TRAPPC9: variants seen among roughly 807,000 people sequenced by gnomAD.
TRAPPC9 encodes the protein trafficking protein particle complex subunit 9, also known as IKK2 binding protein.
In TRAPPC9, 83 loss-of-function variants were observed where a neutral mutation model predicts 124.0. The observed-to-expected ratio is 0.67, with a 90% CI of 0.56 to 0.80. The LOEUF (loss-of-function observed/expected upper bound fraction) is 0.80, where lower values mean the gene tolerates loss of function less well. Among genes scored for constraint, TRAPPC9 ranks in the 30% least tolerant of loss-of-function variants. TRAPPC9 has a pLI of 0.00. For missense variants in TRAPPC9, 1,302 were observed against 1,508.3 expected (o/e 0.86, Z 2.27); for synonymous variants, 638 against 617.5 (o/e 1.03, Z -0.49).
intron 17 of TRAPPC9, among the ~76,000 whole-genome samples, chr8:140,175,540 C>T (rs1042891242): frequency 6.6e-6 from 1 of 152,166 alleles, no homozygotes; most frequent in African/African-American, 2.4e-5. Flanking sequence ...AGGCTCACAT[C>T]TCCAGAGTAA....
At chr8:139,761,349 A>G (rs1820204792) in intron 21 of TRAPPC9, among the ~76,000 whole-genome samples, 3 of 152,314 alleles carry the variant, frequency 2.0e-5, no homozygotes, top group Admixed American at 2.0e-4. Context: ...GTTACCAATC[A>G]AGCTCACAGC....
At chr8:140,162,044 C>A (rs530605093) in intron 17 of TRAPPC9, among the ~76,000 whole-genome samples, 1 of 152,152 alleles carries the variant, frequency 6.6e-6, no homozygotes, top group Non-Finnish European at 1.5e-5. Flanking sequence ...CCCAGCAGAC[C>A]GGTTAGGACA....
At chr8:140,162,382 A>T (rs1015533316) in intron 17 of TRAPPC9, among the ~76,000 whole-genome samples, 2 of 152,088 alleles carry the variant, frequency 1.3e-5, no homozygotes, top group Admixed American at 6.5e-5. Context: ...AGGCTTTTCT[A>T]CGTACTCTAA....
At chr8:139,833,744 C>G (rs903796014) in intron 21 of TRAPPC9, among the ~76,000 whole-genome samples, 1 of 152,184 alleles carries the variant, frequency 6.6e-6, no homozygotes, top group East Asian at 1.9e-4. Context: ...TGTGGACTTT[C>G]TCATGAGGAG....
At chr8:140,355,528 T>C (rs1277113931) in intron 9 of TRAPPC9, among the ~76,000 whole-genome samples, 3 of 152,124 alleles carry the variant, frequency 2.0e-5, no homozygotes, top group East Asian at 1.9e-4. Flanking sequence ...ATTTTAAACA[T>C]ATATTCTCCT....
At chr8:140,236,393 T>G (rs1369134114) in intron 16 of TRAPPC9, among the ~76,000 whole-genome samples, 1 of 152,196 alleles carries the variant, frequency 6.6e-6, no homozygotes, top group African/African-American at 2.4e-5. Flanking sequence ...ACTTATTTCT[T>G]CTACACGGAA....
intron 19 of TRAPPC9, among the ~76,000 whole-genome samples, chr8:139,954,186 G>T (rs1264840842): frequency 6.6e-6 from 1 of 152,222 alleles, no homozygotes. Flanking sequence ...TGGGGGTGAT[G>T]AATATGCTCA....
chr8:140,408,192 T>G (rs1311461479), intron 5 of TRAPPC9, among the ~76,000 whole-genome samples: 1 of 152,046 alleles, frequency 6.6e-6, no homozygotes, highest in African/African-American at 2.4e-5. Flanking sequence ...ACCCATAGCC[T>G]GTAGATTACA....
chr8:139,772,642 A>G (rs1821052615), intron 21 of TRAPPC9, among the ~76,000 whole-genome samples: 1 of 152,232 alleles, frequency 6.6e-6, no homozygotes, highest in South Asian at 2.1e-4. Flanking sequence ...CTCATAGCTC[A>G]CTTTTATTCT....
rs144100622 is a variant in TRAPPC9, at chr8:139,792,193, C to T, written c.3056-59991G>A. Reference sequence around the variant, plus strand: ...CCTGTCTGCTGGGGAGACAGACACTCAGACAGCAGGTTTAGTCTCCCTTGA... The same window carrying T: ...CCTGTCTGCTGGGGAGACAGACACTTAGACAGCAGGTTTAGTCTCCCTTGA... On this transcript the variant is annotated intron_variant, in intron 21 of 22. Transcript: ENST00000438773. Among the ~76,000 whole-genome samples the T allele has an allele frequency of 1.1e-3, 167 of 152,306 alleles. 1 individual carries two copies. Among genetic ancestry groups the T allele is most frequent in the Non-Finnish European group, 2.0e-3 (134 of 68,030 alleles).
intron 21 of TRAPPC9, among the ~76,000 whole-genome samples, chr8:139,821,540 A>G (rs1165716403): frequency 2.6e-5 from 4 of 152,206 alleles, no homozygotes; most frequent in Non-Finnish European, 4.4e-5. Context: ...GAGCCTGGAG[A>G]AATGTGGAAA....
intron 17 of TRAPPC9, among the ~76,000 whole-genome samples, chr8:140,115,624 T>C (rs959720136): frequency 1.0e-5 from 1 of 98,862 alleles, no homozygotes; most frequent in African/African-American, 3.0e-5. Context: ...TTTCAATCTA[T>C]GGTTGCCTGA....
At chr8:140,445,648 A>C (rs2071222455) in intron 2 of TRAPPC9, among the ~76,000 whole-genome samples, 1 of 152,250 alleles carries the variant, frequency 6.6e-6, no homozygotes, top group Admixed American at 6.5e-5. Flanking sequence ...GCATTTTCCA[A>C]GCTGGACAGC....
At chr8:140,259,903 C>T (rs570356499) in intron 15 of TRAPPC9, among the ~76,000 whole-genome samples, 45 of 152,224 alleles carry the variant, frequency 3.0e-4, no homozygotes, top group African/African-American at 1.1e-3. Flanking sequence ...TTAGAACAGA[C>T]GGAAAAGAGC....
At chr8:140,307,717 A>G (rs1463265550) in intron 10 of TRAPPC9, among the ~76,000 whole-genome samples, 3 of 152,138 alleles carry the variant, frequency 2.0e-5, no homozygotes, top group Non-Finnish European at 4.4e-5. Context: ...TGTTAATGAG[A>G]CTGGGGCAGA....
chr8:140,187,323 C>G (rs2062374980), intron 17 of TRAPPC9, among the ~76,000 whole-genome samples: 1 of 152,200 alleles, frequency 6.6e-6, no homozygotes, highest in African/African-American at 2.4e-5. Context: ...CAAGGGACAA[C>G]TGTATTTGCA....
At chr8:140,158,153 T>C (rs2061687192) in intron 17 of TRAPPC9, among the ~76,000 whole-genome samples, 1 of 152,220 alleles carries the variant, frequency 6.6e-6, no homozygotes, top group Admixed American at 6.5e-5. Context: ...AAGGTTTGTA[T>C]ATGATAGTAG....
chr8:140,435,833 A>T (rs768973048), intron 3 of TRAPPC9, among the ~76,000 whole-genome samples: 1 of 152,170 alleles, frequency 6.6e-6, no homozygotes, highest in African/African-American at 2.4e-5. Flanking sequence ...ATCTCCAGCT[A>T]TGCCACATGC....
chr8:139,837,930 G>T (rs148312779), intron 21 of TRAPPC9, among the ~76,000 whole-genome samples: 1 of 152,046 alleles, frequency 6.6e-6, no homozygotes, highest in East Asian at 1.9e-4. Context: ...CTCACAGCTC[G>T]CCCATCTCTA....
Sources: allele counts gnomAD v4.1 joint callset (sites outside exome capture counted in the v4.1 genomes callset), GRCh38; gene constraint gnomAD v4.1.1; transcripts MANE v1.5; gene names NCBI Gene and HGNC (gene_info 2026-07-23, HGNC 2026-07-21).